Variants in RTTN observed in about 807,000 individuals in gnomAD.
RTTN encodes rotatin.
Under a neutral mutation model 269.2 loss-of-function variants are expected in RTTN, and 182 were observed. That is an observed-to-expected ratio of 0.68 (90% confidence interval 0.60 to 0.76). The LOEUF is 0.76. Ranked by LOEUF, RTTN falls within the 30% of genes least tolerant of loss-of-function variation. The pLI, the probability that RTTN is intolerant of heterozygous loss-of-function variation, is 0.00. For synonymous variants in RTTN, 1,006 were observed against 963.5 expected (o/e 1.04, Z -0.82); for missense variants, 2,545 against 2,608.6 (o/e 0.98, Z 0.53).
chr18:70,109,315 T>C (rs2059400098), intron 28 of RTTN, among the ~76,000 whole-genome samples, 183 bp downstream of exon 28: 1 of 152,170 alleles, frequency 6.6e-6, no homozygotes. Context: ...ATGAGGGTAT[T>C]TATAAAAGTG....
rs1057521884 is a variant in RTTN at position 70,059,858 on chromosome 18, A to C, written c.4932T>G (p.Leu1644=). The change falls in exon 36 of 49, where the codon CTT becomes CTG. Residue 1644 remains leucine (L), a synonymous_variant. Coordinates refer to ENST00000640769, the MANE Select transcript of RTTN (RefSeq NM_173630.4). ...KAFRQAHLIE[L]LCSIADATLI... is the part of the protein sequence containing the mutation. ...GAGTATTTATCTCTTACCTACAGAG[A>C]AGTTCTATGAGATGAGCTTGTCGAA... 4 of 1,598,756 alleles carry C rather than the reference A, an allele frequency of 2.5e-6. No homozygotes were observed. The highest frequency in any genetic ancestry group is 3.4e-6 in the Non-Finnish European group (4 of 1,172,078).
chr18:70,173,582 G>A (rs1245510137), intron 11 of RTTN, among the ~76,000 whole-genome samples: 1 of 151,914 alleles, frequency 6.6e-6, no homozygotes, highest in Non-Finnish European at 1.5e-5. Flanking sequence ...AATAACTAAG[G>A]GCAACAAAGA....
chr18:70,192,766 C>T (rs1321213558), intron 8 of RTTN, among the ~76,000 whole-genome samples: 2 of 151,712 alleles, frequency 1.3e-5, no homozygotes. Context: ...TAAAATTCTC[C>T]AACCATTCCT....
At chr18:70,066,420 G>A (rs1261149531) in intron 34 of RTTN, among the ~76,000 whole-genome samples, 1 of 152,150 alleles carries the variant, frequency 6.6e-6, no homozygotes, top group Non-Finnish European at 1.5e-5. Flanking sequence ...CCAGTTTGCT[G>A]AGATTGCTTC....
chr18:70,059,713 A>T (rs915945933), intron 36 of RTTN, 137 bp downstream of exon 36: 10 of 531,694 alleles, frequency 1.9e-5, no homozygotes, highest in African/African-American at 1.5e-4. Context: ...GCAAAAGCAA[A>T]ATCCTAGAGT....
Position 70,149,975 on chromosome 18 carries a change from A to G in RTTN, c.2168T>C (p.Leu723Pro). 1 of 1,583,666 alleles carries G rather than the reference A, an allele frequency of 6.3e-7. No homozygotes were observed. Among genetic ancestry groups the G allele is most frequent in the Non-Finnish European group, 8.7e-7 (1 of 1,152,546 alleles). ...AAAGTGAATTTCACAGAATACCTGTAGTATTGGGATGACAGGACAGAGAGA... is the reference window on the plus strand; with the variant it reads ...AAAGTGAATTTCACAGAATACCTGTGGTATTGGGATGACAGGACAGAGAGA... ...IESLCPVIPI[L>P]QGYADTEDPL... is the part of the protein sequence containing the mutation. The change falls in exon 16 of 49, where the codon CTA (leucine) becomes CCA (proline). Residue 723 changes from leucine (L) to proline (P), a missense_variant. Physicochemically the swap from Leu to Pro is moderately conservative, Grantham distance 98 (BLOSUM62 -3). Transcript: ENST00000640769.
chr18:70,026,744 C>T (rs1333605365), intron 43 of RTTN, among the ~76,000 whole-genome samples: 1 of 152,144 alleles, frequency 6.6e-6, no homozygotes, highest in Non-Finnish European at 1.5e-5. Flanking sequence ...AAAGATATGA[C>T]CTTGGTTTTC....
chr18:70,162,418 G>A (rs75843234), intron 14 of RTTN, among the ~76,000 whole-genome samples: 2,097 of 152,254 alleles, frequency 0.014, 62 homozygotes, highest in African/African-American at 0.047. Flanking sequence ...GGACATACCC[G>A]AGACTGGGTA....
intron 31 of RTTN, among the ~76,000 whole-genome samples, chr18:70,087,314 A>T (rs1280051455): frequency 6.6e-6 from 1 of 152,242 alleles, no homozygotes; most frequent in South Asian, 2.1e-4. Context: ...TCCAACCATG[A>T]TAACTAGAAG....
At chr18:70,171,602 T>C (rs2061144478) in intron 11 of RTTN, among the ~76,000 whole-genome samples, 2 of 152,206 alleles carry the variant, frequency 1.3e-5, no homozygotes, top group South Asian at 4.1e-4. Context: ...TAATCTAAGA[T>C]AGCTGTCCTG....
Position 70,075,545 on chromosome 18 carries a change from T to A in RTTN, c.4375-4A>T. ...CCTCATCATGAACACAGGGACCCTG[T>A]AGGAAGAGAGGGAAAGAAGGAGGAG... On this transcript the variant is annotated splice_polypyrimidine_tract_variant and splice_region_variant and intron_variant, in intron 32 of 48. Transcript: ENST00000640769. The A allele has an allele frequency of 2.6e-6, 4 of 1,554,244 alleles. No homozygotes were observed. The highest frequency in any genetic ancestry group is 3.5e-6 in the Non-Finnish European group (4 of 1,158,948).
Position 70,074,005 on chromosome 18 carries a change from GA to G in RTTN, c.4565-12del, listed in dbSNP as rs1568335507. 6.3e-7 allele frequency: 1 copy of G among 1,590,854 alleles called. No individual in the cohort carries two copies. Among genetic ancestry groups the G allele is most frequent in the East Asian group, 2.2e-5 (1 of 44,694 alleles). On this transcript the variant is annotated splice_polypyrimidine_tract_variant and intron_variant, in intron 33 of 48. Coordinates refer to ENST00000640769, the MANE Select transcript of RTTN (RefSeq NM_173630.4). Reference sequence around the variant, plus strand: ...ATGAGTCATCTAAACCTGCAACAACGAGAAAATTGTTAACATGGACACCCTC... The same window carrying G: ...ATGAGTCATCTAAACCTGCAACAACGGAAAATTGTTAACATGGACACCCTC...
chr18:70,200,228 T>C (rs1341538516), intron 4 of RTTN, among the ~76,000 whole-genome samples: 2 of 152,194 alleles, frequency 1.3e-5, no homozygotes, highest in East Asian at 1.9e-4. Flanking sequence ...TTCCCAAACA[T>C]AGCACAGTTA....
At chr18:70,155,450 CACA>C (rs2060648183) in intron 14 of RTTN, among the ~76,000 whole-genome samples, 1 of 152,190 alleles carries the variant, frequency 6.6e-6, no homozygotes, top group Non-Finnish European at 1.5e-5. Context: ...GTTTAAAATT[CACA>C]ACAACACAAA....
chr18:70,017,464 G>A lies in RTTN; in HGVS notation c.6364C>T (p.Leu2122Phe). 1 of 1,614,018 alleles carries A rather than the reference G, an allele frequency of 6.2e-7. No individual in the cohort carries two copies. Among genetic ancestry groups the A allele is most frequent in the Non-Finnish European group, 8.5e-7 (1 of 1,179,960 alleles). ...CTGAAGCAAACATTATGAAAGATAA[G>A]AAGAGGCAATAAAGGGCTGCTCTTG... ...KHKSSPLLPL[L>F]IFHNVCFSPA... Residue 2122 changes from leucine to phenylalanine, a missense_variant, in exon 46 of 49, where the codon CTT becomes TTT. Physicochemically the swap from Leu to Phe is conservative, Grantham distance 22 (BLOSUM62 0). Transcript: ENST00000640769.
chr18:70,137,076 C>T (rs1372919157), intron 21 of RTTN, among the ~76,000 whole-genome samples: 4 of 151,990 alleles, frequency 2.6e-5, no homozygotes, highest in Admixed American at 6.6e-5. Context: ...ATAACCAGAA[C>T]AGTCTTCTTT....
chr18:70,064,336 C>CAAAAAAA (rs11308196), intron 35 of RTTN, among the ~76,000 whole-genome samples: 3 of 61,714 alleles, frequency 4.9e-5, no homozygotes, highest in African/African-American at 1.5e-4. Context: ...AGACTGCCTC[C>CAAAAAAA]AAAAAAAAAA....
intron 28 of RTTN, among the ~76,000 whole-genome samples, chr18:70,095,613 A>T (rs1029278572): frequency 6.6e-6 from 1 of 152,188 alleles, no homozygotes; most frequent in South Asian, 2.1e-4. Flanking sequence ...ATTAATGAAT[A>T]TAGGCCCCCA....
At chr18:70,082,528 A>G (rs2058596668) in intron 32 of RTTN, among the ~76,000 whole-genome samples, 1 of 152,198 alleles carries the variant, frequency 6.6e-6, no homozygotes, top group South Asian at 2.1e-4. Context: ...ACTAGTCTTC[A>G]AACTAAACCC....
Sources: gnomAD v4.1 joint callset for allele counts (sites outside exome capture counted in the v4.1 genomes callset) on GRCh38, gnomAD v4.1.1 for gene constraint, MANE v1.5 for transcripts, NCBI Gene and HGNC (gene_info 2026-07-23, HGNC 2026-07-21) for gene names.